The following CDK6 variants were observed in gnomAD, a reference collection of about 807,000 sequenced individuals.
CDK6 encodes cyclin-dependent kinase 6.
CDK6 carries 6 observed loss-of-function variants against 37.1 expected under a neutral mutation model. The ratio of observed to expected loss-of-function variants is 0.16; its 90% CI spans 0.09 to 0.32. CDK6 has a LOEUF of 0.32. Among genes scored for constraint, CDK6 ranks in the 10% least tolerant of loss-of-function variants. The pLI, the probability that CDK6 is intolerant of heterozygous loss-of-function variation, is 1.00. For missense variants in CDK6, 224 were observed against 418.9 expected (o/e 0.53, Z 4.06); for synonymous variants, 160 against 161.3 (o/e 0.99, Z 0.06).
chr7:92,730,796 C>T (rs1282765792), intron 3 of CDK6, among the ~76,000 whole-genome samples: 2 of 152,164 alleles, frequency 1.3e-5, no homozygotes, highest in Non-Finnish European at 2.9e-5. Flanking sequence ...ATGGGCACCT[C>T]AGTAGTTTCC....
intron 3 of CDK6, among the ~76,000 whole-genome samples, chr7:92,731,236 G>T (rs1330358595): frequency 6.6e-6 from 1 of 152,156 alleles, no homozygotes; most frequent in African/African-American, 2.4e-5. Flanking sequence ...TTATAAACAG[G>T]TCTCCCCTAC....
intron 3 of CDK6, among the ~76,000 whole-genome samples, chr7:92,752,876 T>C (rs534133937): frequency 1.3e-5 from 2 of 152,210 alleles, no homozygotes; most frequent in Admixed American, 6.5e-5. Context: ...GGTATTCCTC[T>C]AGAGTCTACA....
chr7:92,683,744 G>T, intron 4 of CDK6, among the ~76,000 whole-genome samples: 1 of 151,916 alleles, frequency 6.6e-6, no homozygotes, highest in East Asian at 1.9e-4. Flanking sequence ...TGTGCTTTAA[G>T]CTATTAAAGG....
chr7:92,718,602 A>G (rs1798291057), intron 4 of CDK6, among the ~76,000 whole-genome samples: 1 of 152,146 alleles, frequency 6.6e-6, no homozygotes, highest in Non-Finnish European at 1.5e-5. Context: ...ACACACACAC[A>G]CACCCCAAGC....
rs187695070 is a variant in CDK6 at position 92,741,098 on chromosome 7, G to A, written c.370-15305C>T. Among the ~76,000 whole-genome samples, 21 of 152,234 alleles carry A rather than the reference G, an allele frequency of 1.4e-4. No individual in the cohort carries two copies. The East Asian group carries it at 3.9e-3, about 28-fold the overall frequency. ...GACAGCTAAAATATCCACAATTAGA[G>A]GAATAGTTAAATAAACGATGATGTG... On this transcript the variant is annotated intron_variant, in intron 3 of 7. Transcript: ENST00000424848.
intron 5 of CDK6, among the ~76,000 whole-genome samples, chr7:92,644,979 A>G (rs1489920892): frequency 6.6e-6 from 1 of 152,188 alleles, no homozygotes. Context: ...TCTCTGTTAC[A>G]GCTTGGCCAC....
intron 2 of CDK6, among the ~76,000 whole-genome samples, chr7:92,798,977 A>C (rs893366094): frequency 6.6e-6 from 1 of 152,128 alleles, no homozygotes. Context: ...AATATGCTAA[A>C]TCTGCAATTC....
chr7:92,652,007 G>A (rs78716704), intron 5 of CDK6, among the ~76,000 whole-genome samples: 2 of 152,222 alleles, frequency 1.3e-5, no homozygotes, highest in East Asian at 3.9e-4. Context: ...GAGTCAACAC[G>A]CTCACTTATA....
intron 3 of CDK6, among the ~76,000 whole-genome samples, chr7:92,750,975 A>G (rs1469704590): frequency 1.3e-5 from 2 of 152,220 alleles, no homozygotes; most frequent in African/African-American, 2.4e-5. Context: ...TATTTCCTGT[A>G]CAGACGTCAT....
chr7:92,814,555 C>CAAAAAA (rs201939605), intron 2 of CDK6, among the ~76,000 whole-genome samples: 3 of 70,036 alleles, frequency 4.3e-5, no homozygotes, highest in African/African-American at 1.2e-4. Context: ...AACTGAATTG[C>CAAAAAA]AAAAAAAAAA....
intron 5 of CDK6, among the ~76,000 whole-genome samples, chr7:92,649,458 G>A (rs771151615): frequency 6.6e-6 from 1 of 152,138 alleles, no homozygotes; most frequent in Non-Finnish European, 1.5e-5. Flanking sequence ...CACCTGGGGG[G>A]ATCCTTGGGA....
chr7:92,726,460 G>T (rs1046419440), intron 3 of CDK6, among the ~76,000 whole-genome samples: 2 of 152,142 alleles, frequency 1.3e-5, no homozygotes, highest in Non-Finnish European at 2.9e-5. Context: ...GCCCAGGCTG[G>T]AGTGCAGTGC....
chr7:92,798,136 C>G (rs1373620776), intron 2 of CDK6, among the ~76,000 whole-genome samples: 1 of 152,130 alleles, frequency 6.6e-6, no homozygotes, highest in Non-Finnish European at 1.5e-5. Context: ...CCATACAAAG[C>G]CCAAATTTGT....
chr7:92,702,022 T>C (rs1402832340), intron 4 of CDK6, among the ~76,000 whole-genome samples: 1 of 152,134 alleles, frequency 6.6e-6, no homozygotes, highest in East Asian at 1.9e-4. Context: ...ATTATTTTTA[T>C]CAACAGCTGT....
chr7:92,725,383 T>G (rs1292047976), intron 4 of CDK6: 31 of 927,784 alleles, frequency 3.3e-5, no homozygotes, highest in Non-Finnish European at 4.0e-5. Flanking sequence ...TCCTGTCCAG[T>G]GGCTAAGATG....
chr7:92,723,140 C>A (rs1798406326), intron 4 of CDK6, among the ~76,000 whole-genome samples: 1 of 152,204 alleles, frequency 6.6e-6, no homozygotes, highest in South Asian at 2.1e-4. Context: ...AGGGCCACTG[C>A]CCTCCAGCCT....
Position 92,695,620 on chromosome 7 carries a change from A to C in CDK6, c.538-24085T>G, listed in dbSNP as rs560304173. Among the ~76,000 whole-genome samples the C allele has an allele frequency of 2.6e-5, 4 of 152,318 alleles. No homozygotes were observed. In the South Asian group the frequency reaches 8.3e-4, roughly 32 times the overall value. ...TCCTCCCCTTTCATTGAACAGAGAC[A>C]TGTTCTCTGGGCTCACAGCAATAAT... On this transcript the variant is annotated intron_variant, in intron 4 of 7. Coordinates refer to ENST00000424848, the MANE Select transcript of CDK6 (RefSeq NM_001145306.2).
At position 92,798,925 on chromosome 7, in the gene CDK6, C is replaced by G. The variant is rs2299242; in HGVS notation, c.234-24094G>C. On this transcript the variant is annotated intron_variant, in intron 2 of 7. Transcript: ENST00000424848. ...ATGATTCACAGGAAAGTGTCCTCCT[C>G]TTCAAGACGAACCCTATTCCTCCTG... Among the ~76,000 whole-genome samples the G allele has an allele frequency of 0.031, 4,785 of 152,290 alleles. 470 individuals carry two copies. The East Asian group carries it at 0.4, about 13-fold the overall frequency.
chr7:92,727,704 C>G (rs372059370), intron 3 of CDK6, among the ~76,000 whole-genome samples: 2 of 151,980 alleles, frequency 1.3e-5, no homozygotes, highest in Non-Finnish European at 2.9e-5. Context: ...TCTGAGATCC[C>G]CCTGAGTGAA....
Sources: gnomAD v4.1 joint callset for allele counts (sites outside exome capture counted in the v4.1 genomes callset) on GRCh38, gnomAD v4.1.1 for gene constraint, MANE v1.5 for transcripts, NCBI Gene and HGNC (gene_info 2026-07-23, HGNC 2026-07-21) for gene names.